Variants in LZTFL1 observed in about 807,000 individuals in gnomAD.
The protein encoded by LZTFL1 is leucine zipper transcription factor-like protein 1.
In LZTFL1, 25 loss-of-function variants were observed where a neutral mutation model predicts 45.9. That is an observed-to-expected ratio of 0.54 (90% confidence interval 0.40 to 0.76). The LOEUF is 0.76. LZTFL1 is among the 30% of genes least tolerant of loss of function. LZTFL1 has a pLI of 0.00. For synonymous variants in LZTFL1, 93 were observed against 117.4 expected (o/e 0.79, Z 1.35); for missense variants, 277 against 331.1 (o/e 0.84, Z 1.27).
intron 2 of LZTFL1, among the ~76,000 whole-genome samples, chr3:45,889,650 C>T (rs1428810573): frequency 2.0e-5 from 3 of 151,450 alleles, no homozygotes; most frequent in East Asian, 1.9e-4. Context: ...GAAAATGTTT[C>T]GGTGCTGGTG....
intron 1 of LZTFL1, among the ~76,000 whole-genome samples, chr3:45,839,111 C>T (rs1386278853): frequency 6.6e-6 from 1 of 151,716 alleles, no homozygotes; most frequent in East Asian, 1.9e-4. Context: ...TTTTTAGAGA[C>T]GGAGTCTCGC....
At chr3:45,911,762 C>G (rs1702799197) in intron 2 of LZTFL1, among the ~76,000 whole-genome samples, 1 of 152,256 alleles carries the variant, frequency 6.6e-6, no homozygotes, top group South Asian at 2.1e-4. Flanking sequence ...GTAAGTAGGT[C>G]ACCCCTTTGG....
At chr3:45,847,011 T>C (rs569283798), upstream of LZTFL1, among the ~76,000 whole-genome samples, 5 of 152,332 alleles carry the variant, frequency 3.3e-5, no homozygotes, top group African/African-American at 1.2e-4. Flanking sequence ...TTCTTCCAGA[T>C]TGTCTAATGT....
chr3:45,858,416 G>A (rs765083461), intron 3 of LZTFL1, among the ~76,000 whole-genome samples: 15 of 152,290 alleles, frequency 9.8e-5, no homozygotes, highest in Non-Finnish European at 1.6e-4. Flanking sequence ...GGGTAAGTAT[G>A]GTGACACAGA....
rs184969107 is a variant in LZTFL1 at position 45,850,436 on chromosome 3, G to A, written c.-49+4550C>T. On this transcript the variant is annotated intron_variant, in intron 4 of 4. Coordinates refer to the LZTFL1 transcript ENST00000472635. ...GGTCTCACTCTCACACCTCCTCCCC[G>A]CAGCACCACCATGGAGAGGCACCAG... Among the ~76,000 whole-genome samples, 611 of 152,220 alleles carry A rather than the reference G, an allele frequency of 4.0e-3. 1 individual carries two copies. Among genetic ancestry groups the A allele is most frequent in the Non-Finnish European group, 7.0e-3 (475 of 67,994 alleles).
chr3:45,832,299 C>G (rs1323125329), intron 5 of LZTFL1, among the ~76,000 whole-genome samples: 1 of 152,102 alleles, frequency 6.6e-6, no homozygotes, highest in East Asian at 1.9e-4. Flanking sequence ...TATTACACTG[C>G]TTTTTATTTC....
chr3:45,839,420 A>G (rs1375250895), intron 1 of LZTFL1, among the ~76,000 whole-genome samples: 3 of 152,178 alleles, frequency 2.0e-5, no homozygotes, highest in East Asian at 1.9e-4. Flanking sequence ...TGTCTATAGT[A>G]TTACATTTAC....
chr3:45,856,659 C>T (rs1179074601), intron 3 of LZTFL1, among the ~76,000 whole-genome samples: 1 of 152,006 alleles, frequency 6.6e-6, no homozygotes, highest in African/African-American at 2.4e-5. Flanking sequence ...TATCCAAAAT[C>T]TACAAGGAAC....
At chr3:45,914,505 C>T (rs1575315747) in intron 1 of LZTFL1, among the ~76,000 whole-genome samples, 1 of 152,224 alleles carries the variant, frequency 6.6e-6, no homozygotes, top group South Asian at 2.1e-4. Flanking sequence ...AACTCCTGGC[C>T]TCAAGTGATC....
chr3:45,877,051 T>C (rs1293541776), intron 2 of LZTFL1, among the ~76,000 whole-genome samples: 1 of 151,964 alleles, frequency 6.6e-6, no homozygotes, highest in Non-Finnish European at 1.5e-5. Context: ...GCTTCCTCAA[T>C]GCATATCAGA....
intron 2 of LZTFL1, among the ~76,000 whole-genome samples, chr3:45,877,632 T>C (rs1701770535): frequency 6.6e-6 from 1 of 152,116 alleles, no homozygotes; most frequent in South Asian, 2.1e-4. Context: ...TTTTTCCAAA[T>C]ATGGTTAATA....
chr3:45,900,836 C>A lies in LZTFL1; in HGVS notation c.-215+12284G>T, dbSNP rs771517303. 7 of 1,613,390 alleles carry A rather than the reference C, an allele frequency of 4.3e-6. No individual in the cohort carries two copies. The African/African-American group carries it at 8.0e-5, about 18-fold the overall frequency. On this transcript the variant is annotated intron_variant, in intron 2 of 4. Coordinates refer to the LZTFL1 transcript ENST00000472635. The surrounding 1 kb of genome is among the most constrained non-coding windows in gnomAD (Gnocchi z 4.7). ...GCCCTATTCCTAACATGGCTGATGA[C>A]TATGGCTCTGAATCCACATCTTCCA...
At chr3:45,846,246 T>C (rs186323393), upstream of LZTFL1, among the ~76,000 whole-genome samples, 117 of 152,352 alleles carry the variant, frequency 7.7e-4, no homozygotes, top group Middle Eastern at 6.8e-3. Flanking sequence ...TTTATATAAC[T>C]TTTAGGAGTT....
At chr3:45,871,638 G>C (rs1701671926) in intron 2 of LZTFL1, among the ~76,000 whole-genome samples, 1 of 151,282 alleles carries the variant, frequency 6.6e-6, no homozygotes. Flanking sequence ...GGCTTGCATA[G>C]AAATAGAGAA....
At chr3:45,850,327 C>T (rs951531093) in intron 4 of LZTFL1, among the ~76,000 whole-genome samples, 4 of 152,042 alleles carry the variant, frequency 2.6e-5, no homozygotes, top group African/African-American at 7.3e-5. Flanking sequence ...TGTAGTGAGT[C>T]GATGGAAGGA....
At chr3:45,904,934 C>T (rs768985898) in intron 2 of LZTFL1, among the ~76,000 whole-genome samples, 7 of 152,130 alleles carry the variant, frequency 4.6e-5, no homozygotes, top group South Asian at 2.1e-4. Context: ...GGCTCCAGTG[C>T]CCACAGATCT....
chr3:45,901,676 C>A lies in LZTFL1; in HGVS notation c.-215+11444G>T. The stretch of plus-strand genomic sequence containing the variant: ...ACTGTGCCGTTTCCACCAACATTGA[C>A]ATCTGCTTCCAGGTCACCCAGACCA... On this transcript the variant is annotated intron_variant, in intron 2 of 4. Transcript: ENST00000472635. The surrounding 1 kb of genome is among the most constrained non-coding windows in gnomAD (Gnocchi z 4.3). 6.2e-7 allele frequency: 1 copy of A among 1,614,014 alleles called. No homozygotes were observed. Among genetic ancestry groups the A allele is most frequent in the South Asian group, 1.1e-5 (1 of 91,080 alleles).
intron 2 of LZTFL1, among the ~76,000 whole-genome samples, chr3:45,907,200 C>T (rs1337428128): frequency 6.6e-6 from 1 of 152,168 alleles, no homozygotes; most frequent in African/African-American, 2.4e-5. Flanking sequence ...GGGGCTTTCA[C>T]CAGACCCCAG....
chr3:45,908,197 T>C (rs1186856875), intron 2 of LZTFL1, among the ~76,000 whole-genome samples: 6 of 152,114 alleles, frequency 3.9e-5, no homozygotes. Context: ...AGTTTCTGGG[T>C]GCAGACTCAG....
Sources: allele counts gnomAD v4.1 joint callset (sites outside exome capture counted in the v4.1 genomes callset), GRCh38; gene constraint gnomAD v4.1.1; non-coding constraint Gnocchi (gnomAD v3.1); transcripts MANE v1.5; gene names NCBI Gene and HGNC (gene_info 2026-07-23, HGNC 2026-07-21).